Variants in CNTNAP2 observed in about 807,000 individuals in gnomAD.
The protein encoded by CNTNAP2 is contactin-associated protein-like 2.
A neutral mutation model predicts 155.2 loss-of-function variants in CNTNAP2; 98 were observed. The observed-to-expected ratio is 0.63, with a 90% CI of 0.54 to 0.75. The LOEUF (loss-of-function observed/expected upper bound fraction) is 0.75, where lower values mean the gene tolerates loss of function less well. Ranked by LOEUF, CNTNAP2 falls within the 30% of genes least tolerant of loss-of-function variation. The pLI, the probability that CNTNAP2 is intolerant of heterozygous loss-of-function variation, is 0.00. For missense variants in CNTNAP2, 1,727 were observed against 1,688.1 expected, an observed-to-expected ratio of 1.02 and a Z score of -0.40; for synonymous variants, 651 against 631.2, an observed-to-expected ratio of 1.03 and a Z score of -0.47.
intron 1 of CNTNAP2, among the ~76,000 whole-genome samples, chr7:146,427,045 C>T (rs1281306365): frequency 6.6e-6 from 1 of 151,864 alleles, no homozygotes; most frequent in Non-Finnish European, 1.5e-5. Flanking sequence ...AAAAAGAAAA[C>T]AAAAACTATT....
chr7:147,869,459 C>T (rs919726769), intron 13 of CNTNAP2, among the ~76,000 whole-genome samples: 1 of 152,120 alleles, frequency 6.6e-6, no homozygotes, highest in South Asian at 2.1e-4. Context: ...TTTCAAAGTA[C>T]AACTACTGAA....
intron 1 of CNTNAP2, among the ~76,000 whole-genome samples, chr7:146,586,342 AT>A (rs1288647432): frequency 2.6e-5 from 4 of 152,174 alleles, no homozygotes; most frequent in African/African-American, 9.7e-5. Context: ...AAAATTCAGA[AT>A]ACTTAGCCTC....
intron 1 of CNTNAP2, among the ~76,000 whole-genome samples, chr7:146,741,460 G>A (rs997244542): frequency 6.6e-6 from 1 of 152,156 alleles, no homozygotes; most frequent in African/African-American, 2.4e-5. Flanking sequence ...AAAATTGTTA[G>A]CTTATTAGAA....
Position 146,456,286 on chromosome 7 carries a change from A to G in CNTNAP2, c.98-317985A>G, listed in dbSNP as rs115782135. Among the ~76,000 whole-genome samples, 933 of 152,316 alleles carry G rather than the reference A, an allele frequency of 6.1e-3. 7 individuals are homozygous for G. Among genetic ancestry groups the G allele is most frequent in the African/African-American group, 0.02 (833 of 41,574 alleles). ...TTTAATGTTTTCAGCAAAGCCAACT[A>G]GGAACACAAAAAGCAACAGCAGACT... On this transcript the variant is annotated intron_variant, in intron 1 of 23. Transcript: ENST00000361727.
At chr7:148,038,791 CAA>C (rs201718472) in intron 15 of CNTNAP2, among the ~76,000 whole-genome samples, 1 of 128,722 alleles carries the variant, frequency 7.8e-6, no homozygotes, top group Non-Finnish European at 1.7e-5. Flanking sequence ...TAGGCTTCTC[CAA>C]AGAGAGAGAG....
At chr7:147,782,198 T>A (rs1367490705) in intron 13 of CNTNAP2, among the ~76,000 whole-genome samples, 1 of 152,086 alleles carries the variant, frequency 6.6e-6, no homozygotes, top group Non-Finnish European at 1.5e-5. Flanking sequence ...CTACGAAACA[T>A]TTGAAAGTTA....
intron 13 of CNTNAP2, among the ~76,000 whole-genome samples, chr7:147,714,070 A>G (rs1435063505): frequency 6.6e-6 from 1 of 152,080 alleles, no homozygotes; most frequent in Non-Finnish European, 1.5e-5. Flanking sequence ...CAAGCGCTGT[A>G]GTAAGTGCTT....
intron 4 of CNTNAP2, among the ~76,000 whole-genome samples, chr7:147,053,678 A>G (rs576698072): frequency 1.3e-5 from 2 of 152,262 alleles, no homozygotes; most frequent in South Asian, 4.1e-4. Context: ...ATAACAGTAT[A>G]CTTTCTAGAA....
chr7:146,253,372 A>C (rs1296288985), intron 1 of CNTNAP2, among the ~76,000 whole-genome samples: 1 of 152,210 alleles, frequency 6.6e-6, no homozygotes, highest in Non-Finnish European at 1.5e-5. Flanking sequence ...TGCCATAGGT[A>C]GATAAGTTGT....
chr7:146,697,246 T>A (rs1388063513), intron 1 of CNTNAP2, among the ~76,000 whole-genome samples: 1 of 148,960 alleles, frequency 6.7e-6, no homozygotes, highest in Non-Finnish European at 1.5e-5. Context: ...TTTATTTATT[T>A]ATTTATTTTG....
intron 2 of CNTNAP2, among the ~76,000 whole-genome samples, chr7:146,822,875 A>G (rs185134767): frequency 0.076 from 11,097 of 145,426 alleles, 458 homozygotes; most frequent in African/African-American, 0.2. Context: ...AAATATACTC[A>G]TTCTTCAGCA....
At chr7:147,929,802 A>G (rs1440185888) in intron 14 of CNTNAP2, among the ~76,000 whole-genome samples, 3 of 152,212 alleles carry the variant, frequency 2.0e-5, no homozygotes, top group Non-Finnish European at 2.9e-5. Context: ...GGACAGTTTT[A>G]TGGAAGACAA....
At chr7:147,218,457 AAAATATTTTTAAATTTCTCTTG>A (rs1803322756) in intron 8 of CNTNAP2, among the ~76,000 whole-genome samples, 2 of 151,788 alleles carry the variant, frequency 1.3e-5, no homozygotes, top group Admixed American at 1.3e-4. Context: ...AAAATATTTA[AAAATATTTTTAAATTTCTCTTG>A]AAATTTCCCA....
At chr7:146,988,960 G>A (rs1011525065) in intron 3 of CNTNAP2, among the ~76,000 whole-genome samples, 3 of 152,012 alleles carry the variant, frequency 2.0e-5, no homozygotes, top group Admixed American at 6.6e-5. Flanking sequence ...CTGCACAATC[G>A]CCTCACTGTT....
chr7:146,722,733 T>C (rs1225403519), intron 1 of CNTNAP2, among the ~76,000 whole-genome samples: 1 of 151,816 alleles, frequency 6.6e-6, no homozygotes, highest in Admixed American at 6.6e-5. Context: ...TATATACACG[T>C]TGGCGAGGTG....
chr7:148,099,421 TTGTGTGTG>T (rs35957905), intron 15 of CNTNAP2, among the ~76,000 whole-genome samples: 148 of 141,036 alleles, frequency 1.0e-3, no homozygotes, highest in South Asian at 2.6e-3. Context: ...AGCATTGCAA[TTGTGTGTG>T]TGTGTGTGTG....
At position 146,712,485 on chromosome 7, in the gene CNTNAP2, T is replaced by G. The variant is rs149839510; in HGVS notation, c.98-61786T>G. The stretch of plus-strand genomic sequence containing the variant: ...GGTATTTGAACTGGACTTTGAAGAA[T>G]AGAAAGTTTTTTTTTTTCCCTAAAG... On this transcript the variant is annotated intron_variant, in intron 1 of 23. Transcript: ENST00000361727. Among the ~76,000 whole-genome samples, 104 of 149,614 alleles carry G rather than the reference T, an allele frequency of 7.0e-4. 1 individual carries two copies. Among genetic ancestry groups the G allele is most frequent in the African/African-American group, 2.3e-3 (96 of 40,948 alleles).
intron 1 of CNTNAP2, among the ~76,000 whole-genome samples, chr7:146,509,447 T>C (rs1797433816): frequency 6.6e-6 from 1 of 152,198 alleles, no homozygotes; most frequent in Non-Finnish European, 1.5e-5. Context: ...CCCCAAGCGC[T>C]GCCAGCACTG....
rs538314264 is a variant in CNTNAP2 at position 147,277,858 on chromosome 7, TAA to T, written c.1349-22280_1349-22279del. 1.6e-3 allele frequency among the ~76,000 whole-genome samples: 243 copies of T among 151,844 alleles called. 4 individuals are homozygous for T. The highest frequency in any genetic ancestry group is 5.5e-3 in the African/African-American group (229 of 41,518). On this transcript the variant is annotated intron_variant, in intron 8 of 23. Transcript: ENST00000361727. ...TCTTTCTTTTTAAGTAAACAACATT[TAA>T]AAGATAATAGTAAATGAATTCAAAC... is the stretch of plus-strand genomic sequence containing the variant.
Sources: allele counts gnomAD v4.1 joint callset (sites outside exome capture counted in the v4.1 genomes callset), GRCh38; gene constraint gnomAD v4.1.1; transcripts MANE v1.5; gene names NCBI Gene and HGNC (gene_info 2026-07-23, HGNC 2026-07-21).